Variants in ZNF34 observed in about 807,000 individuals in gnomAD.
ZNF34 encodes zinc finger protein 34.
In ZNF34, 8 loss-of-function variants were observed where a neutral mutation model predicts 14.4. That is an observed-to-expected ratio of 0.55 (90% confidence interval 0.33 to 1.00). ZNF34 has a LOEUF of 1.00. Among genes scored for constraint, ZNF34 ranks in the 50% least tolerant of loss-of-function variants. The pLI is 0.03. For missense variants in ZNF34, 538 were observed against 674.2 expected, an observed-to-expected ratio of 0.80 and a Z score of 2.24; for synonymous variants, 235 against 247.9, an observed-to-expected ratio of 0.95 and a Z score of 0.49.
At chr8:144,780,431 G>T (rs912848924) in intron 1 of ZNF34, 151 bp from the exon 2 acceptor site, 3 of 610,986 alleles carry the variant, frequency 4.9e-6, no homozygotes, top group Non-Finnish European at 8.5e-6. Context: ...CAAATCCTGA[G>T]TACACAGTTC....
chr8:144,783,376 A>C (rs1160792913), intron 1 of ZNF34, among the ~76,000 whole-genome samples: 1 of 152,238 alleles, frequency 6.6e-6, no homozygotes, highest in Non-Finnish European at 1.5e-5. Flanking sequence ...TAGCCAAAGC[A>C]GTAAGTTACA....
intron 1 of ZNF34, among the ~76,000 whole-genome samples, chr8:144,784,280 T>C (rs1009556816): frequency 1.4e-4 from 21 of 149,942 alleles, no homozygotes; most frequent in African/African-American, 4.7e-4. Flanking sequence ...AGTTTAAGTA[T>C]AGGAAAAAAG....
rs533838009 is a variant in ZNF34 at position 144,775,494 on chromosome 8, A to G, written c.281-889T>C. Among the ~76,000 whole-genome samples, 3 of 152,286 alleles carry G rather than the reference A, an allele frequency of 2.0e-5. No individual in the cohort carries two copies. The East Asian group carries it at 5.8e-4, about 29-fold the overall frequency. ...TGAATGTCCTCCACAAGTAGAAGGG[A>G]ACATAAGTTGTGGTGTGTTCATACA... On this transcript the variant is annotated intron_variant, in intron 5 of 5. Coordinates refer to ENST00000429371, the MANE Select transcript of ZNF34 (RefSeq NM_001286769.2).
At chr8:144,778,274 C>T in intron 3 of ZNF34, 110 bp from the exon 4 acceptor site, 8 of 1,475,364 alleles carry the variant, frequency 5.4e-6, no homozygotes, top group Non-Finnish European at 7.3e-6. Context: ...TGGCCTGACC[C>T]ATCTGCCACC....
At position 144,777,856 on chromosome 8, in the gene ZNF34, G is replaced by A. The variant is rs547516269; in HGVS notation, c.160+182C>T. ...CCTGGGACCTGGGGCGAGAGGGAAGGGAAGGGCTGACTCAGGAAGGTCCCA... is the reference window on the plus strand; with the variant it reads ...CCTGGGACCTGGGGCGAGAGGGAAGAGAAGGGCTGACTCAGGAAGGTCCCA... On this transcript the variant is annotated intron_variant, in intron 4 of 5. Transcript: ENST00000429371. This position sits in a 1 kb window ranked among gnomAD's most constrained non-coding sequence, Gnocchi z 4.8. 6.6e-6 allele frequency among the ~76,000 whole-genome samples: 1 copy of A among 152,240 alleles called. No individual in the cohort carries two copies. Among genetic ancestry groups the A allele is most frequent in the Admixed American group, 6.5e-5 (1 of 15,304 alleles).
intron 1 of ZNF34, among the ~76,000 whole-genome samples, chr8:144,785,007 C>T (rs970282108): frequency 6.7e-6 from 1 of 148,780 alleles, no homozygotes; most frequent in Non-Finnish European, 1.5e-5. Context: ...CAGTCAAAAC[C>T]TCAGGTGGCT....
intron 1 of ZNF34, among the ~76,000 whole-genome samples, chr8:144,782,594 T>C (rs1439654029): frequency 2.0e-5 from 3 of 151,908 alleles, no homozygotes; most frequent in Non-Finnish European, 4.4e-5. Flanking sequence ...TCCCAGCACT[T>C]TGGGAGGCCA....
intron 1 of ZNF34, among the ~76,000 whole-genome samples, chr8:144,782,842 C>CAAAAAAAAAAAAAAAAAAAAAAAAAA (rs548252812): frequency 4.4e-5 from 1 of 22,976 alleles, no homozygotes; most frequent in African/African-American, 3.1e-4. Flanking sequence ...AAGCCTATCT[C>CAAAAAAAAAAAAAAAAAAAAAAAAAA]AAAAAAAAAA....
chr8:144,780,420 A>G (rs1404779611), intron 1 of ZNF34, 140 bp from the exon 2 acceptor site: 14 of 657,928 alleles, frequency 2.1e-5, no homozygotes, highest in Non-Finnish European at 3.6e-5. Flanking sequence ...ATAAAAGTTG[A>G]CAAATCCTGA....
Position 144,778,111 on chromosome 8 carries a change from G to A in ZNF34, c.87C>T (p.Gly29=), listed in dbSNP as rs374563985. The A allele has an allele frequency of 6.2e-7, 1 of 1,614,008 alleles. No homozygotes were observed. The highest frequency in any genetic ancestry group is 8.5e-7 in the Non-Finnish European group (1 of 1,179,930). Residue 29 remains glycine, a synonymous_variant, in exon 4 of 6, where the codon GGC becomes GGT. Transcript: ENST00000429371. The part of the protein sequence containing the change: ...VAVYLSREEW[G]RLGPAQRGLY... ...GGCCCCTCTGAGCAGGGCCCAGGCG[G>A]CCCCATTCCTCCCGGGAGAGGTACA...
chr8:144,777,374 C>T lies in ZNF34; in HGVS notation c.280+84G>A. 6.7e-7 allele frequency: 1 copy of T among 1,490,552 alleles called. No homozygotes were observed. The highest frequency in any genetic ancestry group is 1.3e-5 in the South Asian group (1 of 76,522). 92.3% of individuals were successfully genotyped at this position (1,490,552 alleles called of 1,614,324 possible). ...AGCCCCGATGAATCTGGCCCACAAA[C>T]TCCTGATTCATTAATCAGACACCCT... On this transcript the variant is annotated intron_variant, in intron 5 of 5. Transcript: ENST00000429371. This position sits in a 1 kb window ranked among gnomAD's most constrained non-coding sequence, Gnocchi z 4.8.
In ZNF34 at chr8:144,774,249, C is replaced by T; in HGVS notation, c.637G>A (p.Ala213Thr). 1 of 1,613,966 alleles carries T rather than the reference C, an allele frequency of 6.2e-7. No homozygotes were observed. The highest frequency in any genetic ancestry group is 1.1e-5 in the South Asian group (1 of 91,076). The change falls in exon 6 of 6, where the codon GCA becomes ACA. Residue 213 changes from alanine (A) to threonine (T), a missense_variant. By Grantham distance (58) the Ala-to-Thr change is moderately conservative. Transcript: ENST00000429371. Reference protein sequence around the residue: ...TVRNSGEIFSANLVVKEDQKI... With the variant: ...TVRNSGEIFSTNLVVKEDQKI... Reference sequence around the variant, plus strand: ...TGATCTTCTTTAACAACTAAGTTTGCACTGAAGATTTCCCCAGAGTTACGA... The same window carrying T: ...TGATCTTCTTTAACAACTAAGTTTGTACTGAAGATTTCCCCAGAGTTACGA...
rs755534927 is a variant in ZNF34, at chr8:144,774,219, T to C, written c.667A>G (p.Ile223Val). The change falls in exon 6 of 6, where the codon ATT becomes GTT. Residue 223 changes from isoleucine to valine, a missense_variant. This residue lies in a region of ZNF34 where 431 missense variants were observed against 525.7 expected (regional missense o/e 0.82). Coordinates refer to ENST00000429371, the MANE Select transcript of ZNF34 (RefSeq NM_001286769.2). ...ANLVVKEDQK[I>V]PTGKKLHYCS... ...TAATGCAATTTTTTCCCAGTAGGAATTTTCTGATCTTCTTTAACAACTAAG... is the reference window on the plus strand; with the variant it reads ...TAATGCAATTTTTTCCCAGTAGGAACTTTCTGATCTTCTTTAACAACTAAG... 9 of 1,611,714 alleles carry C rather than the reference T, an allele frequency of 5.6e-6. No homozygotes were observed. Among genetic ancestry groups the C allele is most frequent in the Non-Finnish European group, 6.8e-6 (8 of 1,179,318 alleles).
chr8:144,776,827 G>C (rs555537273), intron 5 of ZNF34, among the ~76,000 whole-genome samples: 1 of 149,296 alleles, frequency 6.7e-6, no homozygotes, highest in African/African-American at 2.5e-5. Flanking sequence ...TGGGAGGATC[G>C]CTTAAGTGCA....
chr8:144,785,851 G>C (rs1487789660), intron 1 of ZNF34, among the ~76,000 whole-genome samples: 1 of 151,872 alleles, frequency 6.6e-6, no homozygotes, highest in Non-Finnish European at 1.5e-5. Flanking sequence ...CTGTGTAGAA[G>C]AAGAAAAAAC....
chr8:144,776,088 C>T (rs149808983), intron 5 of ZNF34, among the ~76,000 whole-genome samples: 35 of 151,414 alleles, frequency 2.3e-4, no homozygotes, highest in African/African-American at 7.8e-4. Flanking sequence ...CCAAGGCAGG[C>T]GGATCACAAG....
chr8:144,781,775 C>A (rs1825904208), intron 1 of ZNF34, among the ~76,000 whole-genome samples: 1 of 152,222 alleles, frequency 6.6e-6, no homozygotes. Context: ...GTAACCCTCT[C>A]CCCAGAGACA....
At position 144,777,145 on chromosome 8, in the gene ZNF34, T is replaced by C. The variant is rs1825575540; in HGVS notation, c.280+313A>G. On this transcript the variant is annotated intron_variant, in intron 5 of 5. Coordinates refer to ENST00000429371, the MANE Select transcript of ZNF34 (RefSeq NM_001286769.2). This position sits in a 1 kb window ranked among gnomAD's most constrained non-coding sequence, Gnocchi z 4.8. ...ATCAGCTCTGGAGCGCAGGGTTCTG[T>C]GGGGTTCCGCAGACCCTAACAGCAC... is the stretch of plus-strand genomic sequence containing the variant. 6.6e-6 allele frequency among the ~76,000 whole-genome samples: 1 copy of C among 152,086 alleles called. No homozygotes were observed. The highest frequency in any genetic ancestry group is 2.1e-4 in the South Asian group (1 of 4,824).
intron 1 of ZNF34, among the ~76,000 whole-genome samples, chr8:144,782,842 CAAAAAAAAAAAAAA>C (rs548252812): frequency 1.7e-4 from 4 of 22,966 alleles, no homozygotes; most frequent in African/African-American, 3.1e-4. Context: ...AAGCCTATCT[CAAAAAAAAAAAAAA>C]AAAAAAAAAA....
Sources: gnomAD v4.1 joint callset for allele counts (sites outside exome capture counted in the v4.1 genomes callset) on GRCh38, gnomAD v4.1.1 for gene constraint, gnomAD v4.1.1 regional missense constraint, Gnocchi (gnomAD v3.1) non-coding constraint, MANE v1.5 for transcripts, NCBI Gene and HGNC (gene_info 2026-07-23, HGNC 2026-07-21) for gene names.